MARCHF4: variants seen among roughly 807,000 people sequenced by gnomAD.
MARCHF4 encodes E3 ubiquitin-protein ligase MARCHF4.
Under a neutral mutation model 43.9 loss-of-function variants are expected in MARCHF4, and 14 were observed. The ratio of observed to expected loss-of-function variants is 0.32; its 90% CI spans 0.21 to 0.50. The LOEUF is 0.50. MARCHF4 is among the 20% of genes least tolerant of loss of function. The probability of loss-of-function intolerance (pLI) is 0.98; values close to 1 mark genes in which losing one functional copy is unlikely to be tolerated. For missense variants in MARCHF4, 468 were observed against 536.7 expected, an observed-to-expected ratio of 0.87 and a Z score of 1.27; for synonymous variants, 226 against 213.3, an observed-to-expected ratio of 1.06 and a Z score of -0.52.
intron 1 of MARCHF4, among the ~76,000 whole-genome samples, chr2:216,285,196 G>A (rs568525104): frequency 6.6e-6 from 1 of 152,306 alleles, no homozygotes; most frequent in East Asian, 1.9e-4. Flanking sequence ...TTGAGGAACA[G>A]GAATGAGAAT....
At chr2:216,310,560 C>G (rs183348542) in intron 1 of MARCHF4, among the ~76,000 whole-genome samples, 10 of 152,304 alleles carry the variant, frequency 6.6e-5, no homozygotes, top group Non-Finnish European at 1.2e-4. Flanking sequence ...TCATACCCAG[C>G]CAGTTCTTCC....
intron 3 of MARCHF4, among the ~76,000 whole-genome samples, chr2:216,276,410 C>T (rs530466214): frequency 2.0e-5 from 3 of 152,314 alleles, no homozygotes; most frequent in South Asian, 4.1e-4. Flanking sequence ...CTGCTTCTCT[C>T]ACTGACTAGG....
chr2:216,369,913 T>C lies in MARCHF4; in HGVS notation c.348A>G (p.Glu116=), dbSNP rs751620189. ...CTGTGGCTGGGCCACCCCAGTCATC[T>C]TCCACAGAAGAAGGTGGCAAGGGGG... ...PPPPLPPSSV[E]DDWGGPATEP... Residue 116 remains glutamate (E), a synonymous_variant, in exon 1 of 4, where the codon GAA becomes GAG. Transcript: ENST00000273067. The C allele has an allele frequency of 1.9e-6, 3 of 1,612,756 alleles. No homozygotes were observed. In the East Asian group the frequency reaches 6.7e-5, roughly 36 times the overall value.
intron 3 of MARCHF4, among the ~76,000 whole-genome samples, chr2:216,272,715 C>T (rs1690959440): frequency 6.6e-6 from 1 of 152,210 alleles, no homozygotes; most frequent in South Asian, 2.1e-4. Flanking sequence ...AGGGATGTCA[C>T]AGTTTGTTCC....
intron 1 of MARCHF4, among the ~76,000 whole-genome samples, chr2:216,330,188 C>A (rs12622637): frequency 0.25 from 38,572 of 151,740 alleles, 6,270 homozygotes; most frequent in East Asian, 0.54. Flanking sequence ...TGAAGCACTA[C>A]CAGAGAGATT....
At chr2:216,352,160 G>T (rs1045688914) in intron 1 of MARCHF4, among the ~76,000 whole-genome samples, 1 of 152,202 alleles carries the variant, frequency 6.6e-6, no homozygotes, top group Admixed American at 6.5e-5. Context: ...GGGGTTTGGG[G>T]CTTCTGTACT....
At chr2:216,318,566 G>A (rs62181077) in intron 1 of MARCHF4, among the ~76,000 whole-genome samples, 7,566 of 152,272 alleles carry the variant, frequency 0.05, 325 homozygotes, top group South Asian at 0.19. Context: ...AGACTGGAAG[G>A]AAGTGAGGGA....
At chr2:216,351,609 C>T (rs1417870599) in intron 1 of MARCHF4, 2 of 152,218 alleles carry the variant, frequency 1.3e-5, no homozygotes, top group East Asian at 3.8e-4. Context: ...AGCTGAGGAC[C>T]CACAGTTCTG....
rs760311570 is a variant in MARCHF4 at position 216,259,299 on chromosome 2, C to T, written c.*13G>A. The T allele has an allele frequency of 5.5e-5, 84 of 1,520,586 alleles. No homozygotes were observed. Among genetic ancestry groups the T allele is most frequent in the Middle Eastern group, 1.8e-4 (1 of 5,588 alleles). 94.2% of individuals were successfully genotyped at this position (1,520,586 alleles called of 1,614,324 possible). ...TCAGTGGTGGTCATGGCCTTCCTTC[C>T]GGGCCTCTGCTCTCACACTGTCGTG... On this transcript the variant is annotated 3_prime_UTR_variant, in exon 4 of 4. Coordinates refer to ENST00000273067, the MANE Select transcript of MARCHF4 (RefSeq NM_020814.3).
At chr2:216,332,284 C>G (rs1219730270) in intron 1 of MARCHF4, among the ~76,000 whole-genome samples, 1 of 151,616 alleles carries the variant, frequency 6.6e-6, no homozygotes, top group African/African-American at 2.4e-5. Flanking sequence ...CCCAGCTACC[C>G]AGGACGCTGA....
intron 1 of MARCHF4, among the ~76,000 whole-genome samples, chr2:216,345,765 G>A (rs146300260): frequency 1.3e-5 from 2 of 152,252 alleles, no homozygotes; most frequent in South Asian, 2.1e-4. Flanking sequence ...AGAATTTCGG[G>A]CTCTACCCCA....
intron 1 of MARCHF4, among the ~76,000 whole-genome samples, chr2:216,312,381 T>C (rs905611968): frequency 2.6e-5 from 4 of 152,234 alleles, no homozygotes; most frequent in South Asian, 2.1e-4. Flanking sequence ...AGGTTGGTTC[T>C]ATGACTCTGA....
chr2:216,279,352 G>C (rs984736097), intron 2 of MARCHF4, among the ~76,000 whole-genome samples: 2 of 152,206 alleles, frequency 1.3e-5, no homozygotes, highest in Non-Finnish European at 2.9e-5. Context: ...GGAAAAGGAA[G>C]AATGAGAGAT....
chr2:216,370,641 A>G lies in MARCHF4; in HGVS notation c.-381T>C, dbSNP rs1692744990. On this transcript the variant is annotated 5_prime_UTR_variant, in exon 1 of 4. Transcript: ENST00000273067. ...GTCGAATTGTTTAAATCAATGTCGAATTGTTTAAAAGTTCCCCAGGAAAGG... is the reference window on the plus strand; with the variant it reads ...GTCGAATTGTTTAAATCAATGTCGAGTTGTTTAAAAGTTCCCCAGGAAAGG... 2 of 177,268 alleles carry G rather than the reference A, an allele frequency of 1.1e-5. No individual in the cohort carries two copies. The highest frequency in any genetic ancestry group is 1.9e-4 in the South Asian group (1 of 5,136). 11.0% of individuals were successfully genotyped at this position (177,268 alleles called of 1,614,324 possible).
chr2:216,281,989 T>G (rs902293753), intron 2 of MARCHF4, among the ~76,000 whole-genome samples: 1 of 152,048 alleles, frequency 6.6e-6, no homozygotes, highest in Non-Finnish European at 1.5e-5. Flanking sequence ...TACTTTGGGG[T>G]GGGCTCATGA....
At chr2:216,260,408 T>G (rs764258444) in intron 3 of MARCHF4, among the ~76,000 whole-genome samples, 1 of 152,170 alleles carries the variant, frequency 6.6e-6, no homozygotes, top group Non-Finnish European at 1.5e-5. Context: ...GGGTTAAATA[T>G]CCACTGGCTG....
At chr2:216,359,599 G>A (rs141565947) in intron 1 of MARCHF4, among the ~76,000 whole-genome samples, 11 of 152,272 alleles carry the variant, frequency 7.2e-5, no homozygotes, top group Non-Finnish European at 1.0e-4. Context: ...AGCTTCAGTC[G>A]CATTTGCAGT....
At chr2:216,360,102 C>T (rs1471273704) in intron 1 of MARCHF4, among the ~76,000 whole-genome samples, 2 of 152,092 alleles carry the variant, frequency 1.3e-5, no homozygotes, top group Non-Finnish European at 2.9e-5. Context: ...GATCCCAGGG[C>T]ACTACCCTGG....
At chr2:216,327,596 A>C (rs1454188760) in intron 1 of MARCHF4, among the ~76,000 whole-genome samples, 2 of 152,190 alleles carry the variant, frequency 1.3e-5, no homozygotes, top group Non-Finnish European at 2.9e-5. Context: ...GCTTAGCAAC[A>C]CTTAACATTA....
Sources: gnomAD v4.1 joint callset for allele counts (sites outside exome capture counted in the v4.1 genomes callset) on GRCh38, gnomAD v4.1.1 for gene constraint, MANE v1.5 for transcripts, NCBI Gene and HGNC (gene_info 2026-07-23, HGNC 2026-07-21) for gene names.